Variants in AGPAT3 observed in about 807,000 individuals in gnomAD.
AGPAT3 encodes the protein 1-acyl-sn-glycerol-3-phosphate acyltransferase gamma.
A neutral mutation model predicts 47.3 loss-of-function variants in AGPAT3; 5 were observed. That is an observed-to-expected ratio of 0.11 (90% CI 0.06 to 0.22). AGPAT3 has a LOEUF of 0.22. AGPAT3 is among the 10% of genes least tolerant of loss of function. The pLI is 1.00. For synonymous variants in AGPAT3, 212 were observed against 208.3 expected, an observed-to-expected ratio of 1.02 and a Z score of -0.15; for missense variants, 315 against 493.0, an observed-to-expected ratio of 0.64 and a Z score of 3.42.
In AGPAT3 at chr21:43,930,269, G is replaced by C. The variant is rs927638935; in HGVS notation, c.-49+26250G>C. Among the ~76,000 whole-genome samples the C allele has an allele frequency of 6.6e-6, 1 of 152,152 alleles. No homozygotes were observed. The highest frequency in any genetic ancestry group is 6.5e-5 in the Admixed American group (1 of 15,276). ...GAGACGCCGCACGGTGGGGTAGGGG[G>C]CTCTGGTGCCAATACCAATGCAGCC... On this transcript the variant is annotated intron_variant, in intron 2 of 9. Coordinates refer to ENST00000291572, the MANE Select transcript of AGPAT3 (RefSeq NM_020132.5). This position sits in a 1 kb window ranked among gnomAD's most constrained non-coding sequence, Gnocchi z 5.0.
At position 43,930,301 on chromosome 21, in the gene AGPAT3, C is replaced by A. The variant is rs1050471238; in HGVS notation, c.-49+26282C>A. Among the ~76,000 whole-genome samples the A allele has an allele frequency of 6.6e-6, 1 of 152,096 alleles. No homozygotes were observed. The highest frequency in any genetic ancestry group is 2.4e-5 in the African/African-American group (1 of 41,406). ...TGCCAATACCAATGCAGCCCGGTTC[C>A]CTGTCCTGGGCCTGCCAGTGACTTT... On this transcript the variant is annotated intron_variant, in intron 2 of 9. Coordinates refer to ENST00000291572, the MANE Select transcript of AGPAT3 (RefSeq NM_020132.5). The surrounding 1 kb of genome is among the most constrained non-coding windows in gnomAD (Gnocchi z 5.0).
chr21:43,976,904 A>G (rs1025323587), intron 7 of AGPAT3, among the ~76,000 whole-genome samples: 1 of 152,218 alleles, frequency 6.6e-6, no homozygotes. Context: ...CTGCTGCCTT[A>G]GTCACCACCG....
rs1356761682 is a variant in AGPAT3, at chr21:43,983,248, C to G, written c.*856C>G. 6.6e-6 allele frequency: 1 copy of G among 152,310 alleles called. No individual in the cohort carries two copies. The highest frequency in any genetic ancestry group is 2.4e-5 in the African/African-American group (1 of 41,460). 9.4% of individuals were successfully genotyped at this position (152,310 alleles called of 1,614,324 possible). The stretch of plus-strand genomic sequence containing the variant: ...CCCCCCCATCCCACAGATCAGGAGC[C>G]AAGGAGGGAGAACAGGGCAGCCTGT... On this transcript the variant is annotated 3_prime_UTR_variant, in exon 10 of 10. Coordinates refer to ENST00000291572, the MANE Select transcript of AGPAT3 (RefSeq NM_020132.5).
chr21:43,973,185 C>G (rs1314481253), intron 7 of AGPAT3, among the ~76,000 whole-genome samples: 2 of 152,244 alleles, frequency 1.3e-5, no homozygotes, highest in Non-Finnish European at 2.9e-5. Flanking sequence ...TTCTCCCGAC[C>G]CGGGGTCAGT....
intron 2 of AGPAT3, among the ~76,000 whole-genome samples, chr21:43,931,022 G>A (rs886106963): frequency 3.9e-5 from 6 of 152,182 alleles, no homozygotes; most frequent in East Asian, 1.9e-4. Flanking sequence ...GGGACTCAGC[G>A]TGGGGCCCTG....
intron 1 of AGPAT3, among the ~76,000 whole-genome samples, chr21:43,881,611 C>T (rs935455016): frequency 4.6e-5 from 7 of 152,048 alleles, no homozygotes; most frequent in African/African-American, 1.4e-4. Flanking sequence ...ATTGGTTACA[C>T]GTAGAAATGA....
In AGPAT3 at chr21:43,987,467, C is replaced by T. The variant is rs1367075762; in HGVS notation, c.*5075C>T. On this transcript the variant is annotated 3_prime_UTR_variant, in exon 10 of 10. Coordinates refer to ENST00000291572, the MANE Select transcript of AGPAT3 (RefSeq NM_020132.5). ...AAGCGATCAAGGACAAAAGGTTTTC[C>T]TAAGTGGCATGTATACATCCAAAAC... 2.0e-5 allele frequency among the ~76,000 whole-genome samples: 3 copies of T among 152,118 alleles called. No individual in the cohort carries two copies. The highest frequency in any genetic ancestry group is 6.5e-5 in the Admixed American group (1 of 15,280).
At chr21:43,905,128 T>C (rs1423618475) in intron 2 of AGPAT3, among the ~76,000 whole-genome samples, 1 of 151,910 alleles carries the variant, frequency 6.6e-6, no homozygotes, top group Non-Finnish European at 1.5e-5. Context: ...AAAATGACTG[T>C]ATTTAGTGTC....
chr21:43,976,856 G>A (rs1235229364), intron 7 of AGPAT3, among the ~76,000 whole-genome samples: 1 of 152,180 alleles, frequency 6.6e-6, no homozygotes, highest in African/African-American at 2.4e-5. Flanking sequence ...TGTGGACGTG[G>A]CAGCCCCTGA....
In AGPAT3 at chr21:43,969,708, G is replaced by C. The variant is rs369505980; in HGVS notation, c.510+429G>C. On this transcript the variant is annotated intron_variant, in intron 5 of 9. Transcript: ENST00000291572. ...GTTGTGTGTGTTTTTGTGTGTGTGTGTGTGTTTGAAACGGAGTCTCGCTCT... is the reference window on the plus strand; with the variant it reads ...GTTGTGTGTGTTTTTGTGTGTGTGTCTGTGTTTGAAACGGAGTCTCGCTCT... Among the ~76,000 whole-genome samples, 46 of 152,210 alleles carry C rather than the reference G, an allele frequency of 3.0e-4. 1 individual carries two copies. The East Asian group carries it at 6.4e-3, about 21-fold the overall frequency.
intron 2 of AGPAT3, among the ~76,000 whole-genome samples, chr21:43,959,431 G>C (rs940660903): frequency 6.8e-6 from 1 of 147,102 alleles, no homozygotes; most frequent in Non-Finnish European, 1.5e-5. Flanking sequence ...GGTGTGTGGC[G>C]TGTGTGTGGT....
chr21:43,943,515 T>C (rs571262241), intron 2 of AGPAT3, among the ~76,000 whole-genome samples: 57 of 152,316 alleles, frequency 3.7e-4, no homozygotes, highest in African/African-American at 1.3e-3. Context: ...CTCACCCTCC[T>C]GGGGCTCGAT....
At chr21:43,917,309 C>T (rs933764514) in intron 2 of AGPAT3, among the ~76,000 whole-genome samples, 14 of 152,316 alleles carry the variant, frequency 9.2e-5, no homozygotes, top group Middle Eastern at 3.4e-3. Flanking sequence ...CCTGCACTGC[C>T]GTGGCACAAC....
chr21:43,949,846 G>A (rs956452181), intron 2 of AGPAT3, among the ~76,000 whole-genome samples: 8 of 152,214 alleles, frequency 5.3e-5, no homozygotes, highest in African/African-American at 1.9e-4. Flanking sequence ...TCCTGTGGAG[G>A]GGTGGTCTGC....
chr21:43,948,828 G>A (rs904510203), intron 2 of AGPAT3, among the ~76,000 whole-genome samples: 4 of 152,224 alleles, frequency 2.6e-5, no homozygotes, highest in African/African-American at 7.2e-5. Context: ...TGTTGTTGAC[G>A]AACGTGTAGT....
chr21:43,867,158 G>A (rs938995984), intron 1 of AGPAT3: 10 of 152,282 alleles, frequency 6.6e-5, no homozygotes, highest in African/African-American at 2.4e-4. Flanking sequence ...TGATACACCT[G>A]CCTCCCATCC....
chr21:43,930,558 G>T lies in AGPAT3; in HGVS notation c.-49+26539G>T, dbSNP rs1040454209. ...TCAGACCTTGGGGACAGCAAGCTCTGCCCCGTGAACTCAGAGGCTGCAGCT... is the reference window on the plus strand; with the variant it reads ...TCAGACCTTGGGGACAGCAAGCTCTTCCCCGTGAACTCAGAGGCTGCAGCT... On this transcript the variant is annotated intron_variant, in intron 2 of 9. Coordinates refer to ENST00000291572, the MANE Select transcript of AGPAT3 (RefSeq NM_020132.5). The surrounding 1 kb of genome is among the most constrained non-coding windows in gnomAD (Gnocchi z 5.0). Among the ~76,000 whole-genome samples the T allele has an allele frequency of 2.1e-5, 3 of 141,318 alleles. No homozygotes were observed. Among genetic ancestry groups the T allele is most frequent in the African/African-American group, 7.8e-5 (3 of 38,466 alleles). The allele number at this position is 141,318 out of a possible 152,430, so 92.7% of individuals were successfully genotyped here.
chr21:43,916,054 A>T (rs1244151090), intron 2 of AGPAT3, among the ~76,000 whole-genome samples: 1 of 152,206 alleles, frequency 6.6e-6, no homozygotes, highest in Admixed American at 6.5e-5. Flanking sequence ...TTCAGTGTAG[A>T]AAACCCTGTT....
intron 7 of AGPAT3, among the ~76,000 whole-genome samples, chr21:43,972,796 A>T (rs2089451869): frequency 6.6e-6 from 1 of 152,236 alleles, no homozygotes; most frequent in South Asian, 2.1e-4. Context: ...TTGAGGCACG[A>T]AGAAACCGTG....
Sources: gnomAD v4.1 joint callset for allele counts (sites outside exome capture counted in the v4.1 genomes callset) on GRCh38, gnomAD v4.1.1 for gene constraint, Gnocchi (gnomAD v3.1) non-coding constraint, MANE v1.5 for transcripts, NCBI Gene and HGNC (gene_info 2026-07-23, HGNC 2026-07-21) for gene names.